SLC24A4: variants seen among roughly 807,000 people sequenced by gnomAD.
The protein encoded by SLC24A4 is solute carrier family 24 member 4.
A neutral mutation model predicts 79.0 loss-of-function variants in SLC24A4; 53 were observed. The ratio of observed to expected loss-of-function variants is 0.67; its 90% CI spans 0.54 to 0.84. The LOEUF is 0.84. SLC24A4 is among the 40% of genes least tolerant of loss of function. The probability of loss-of-function intolerance (pLI) is 0.00; values close to 1 mark genes in which losing one functional copy is unlikely to be tolerated. For missense variants in SLC24A4, 731 were observed against 822.0 expected (o/e 0.89, Z 1.35); for synonymous variants, 323 against 323.8 (o/e 1.00, Z 0.03).
intron 2 of SLC24A4, among the ~76,000 whole-genome samples, chr14:92,403,321 G>C (rs148686884): frequency 6.6e-6 from 1 of 152,070 alleles, no homozygotes; most frequent in East Asian, 1.9e-4. Context: ...AGCTCTGAGA[G>C]GACTGGCCAG....
At chr14:92,444,402 G>T (rs1370451510) in intron 7 of SLC24A4, among the ~76,000 whole-genome samples, 1 of 152,160 alleles carries the variant, frequency 6.6e-6, no homozygotes, top group South Asian at 2.1e-4. Flanking sequence ...AGCCCCGTGG[G>T]TGGTGCCGAT....
chr14:92,437,307 TA>T (rs1187024686), intron 3 of SLC24A4, among the ~76,000 whole-genome samples: 2 of 152,218 alleles, frequency 1.3e-5, no homozygotes, highest in Admixed American at 1.3e-4. Context: ...GTAGATATTT[TA>T]CTGGCCAATT....
chr14:92,434,156 T>C (rs1335923633), intron 3 of SLC24A4, among the ~76,000 whole-genome samples, 168 bp downstream of exon 3: 1 of 152,164 alleles, frequency 6.6e-6, no homozygotes, highest in East Asian at 1.9e-4. Context: ...CTTAAACGTG[T>C]TAGGAGACTT....
At position 92,497,162 on chromosome 14, in the gene SLC24A4, GCCCCTGT is replaced by G. The variant is rs1471598597; in HGVS notation, c.*3536_*3542del. ...CCTGTTAGGACTGTTTCTTGCTTTTGCCCCTGTCGGTCCCCTGCCTTAACAGACCTAA... is the reference window on the plus strand; with the variant it reads ...CCTGTTAGGACTGTTTCTTGCTTTTGCGGTCCCCTGCCTTAACAGACCTAA... On this transcript the variant is annotated 3_prime_UTR_variant, in exon 17 of 17. Transcript: ENST00000532405. 2 of 152,264 alleles carry G rather than the reference GCCCCTGT, an allele frequency of 1.3e-5. No individual in the cohort carries two copies. The highest frequency in any genetic ancestry group is 4.8e-5 in the African/African-American group (2 of 41,424). The allele number at this position is 152,264 out of a possible 1,614,324, so 9.4% of individuals were successfully genotyped here.
chr14:92,378,609 C>G (rs1045144864), intron 2 of SLC24A4, among the ~76,000 whole-genome samples: 1 of 152,202 alleles, frequency 6.6e-6, no homozygotes, highest in African/African-American at 2.4e-5. Context: ...TATCTAAGTC[C>G]TTTGTCAGAT....
intron 7 of SLC24A4, among the ~76,000 whole-genome samples, chr14:92,445,052 G>C (rs137978119): frequency 6.6e-6 from 1 of 151,936 alleles, no homozygotes; most frequent in Non-Finnish European, 1.5e-5. Context: ...TGCCAGGTTA[G>C]CCCCCAGCAG....
intron 2 of SLC24A4, among the ~76,000 whole-genome samples, chr14:92,414,656 C>T (rs1200769795): frequency 6.6e-6 from 1 of 152,154 alleles, no homozygotes; most frequent in Non-Finnish European, 1.5e-5. Context: ...GGGAGGATTG[C>T]TTGATCCCGG....
At chr14:92,445,188 G>A in intron 7 of SLC24A4, 129 bp from the exon 8 acceptor site, 1 of 1,020,474 alleles carries the variant, frequency 9.8e-7, no homozygotes, top group South Asian at 1.3e-5. Flanking sequence ...GAGCAGCTCA[G>A]AAATGGACCC....
At position 92,497,601 on chromosome 14, in the gene SLC24A4, C is replaced by T. The variant is rs1253400278; in HGVS notation, c.*3973C>T. The T allele has an allele frequency of 6.6e-6, 1 of 152,400 alleles. No homozygotes were observed. The highest frequency in any genetic ancestry group is 1.5e-5 in the Non-Finnish European group (1 of 68,212). 9.4% of individuals were successfully genotyped at this position (152,400 alleles called of 1,614,324 possible). A position where few individuals can be genotyped will look rare whatever the true frequency, so the allele number is the denominator to read the frequency against. ...CAGCGCCAGCGGCTGAGGCTGCCTT[C>T]CGTGCCTTCCCTCCATGGGCGACGG... On this transcript the variant is annotated 3_prime_UTR_variant, in exon 17 of 17. Coordinates refer to ENST00000532405, the MANE Select transcript of SLC24A4 (RefSeq NM_153646.4).
At position 92,474,863 on chromosome 14, in the gene SLC24A4, A is replaced by AT. The variant is rs34398420; in HGVS notation, c.1256-7803dup. 5.5e-3 allele frequency among the ~76,000 whole-genome samples: 313 copies of AT among 57,098 alleles called. 9 individuals are homozygous for AT. Among genetic ancestry groups the AT allele is most frequent in the South Asian group, 0.011 (19 of 1,742 alleles). The allele number at this position is 57,098 out of a possible 152,430, so 37.5% of individuals were successfully genotyped here. A position where few individuals can be genotyped will look rare whatever the true frequency, so the allele number is the denominator to read the frequency against. The stretch of plus-strand genomic sequence containing the variant: ...TGTGTGTATATATATATATATATAT[A>AT]TTTTTTTTTTTTTTAGTAGACACAG... On this transcript the variant is annotated intron_variant, in intron 12 of 16. Transcript: ENST00000532405.
intron 2 of SLC24A4, among the ~76,000 whole-genome samples, chr14:92,404,346 G>C (rs1012549671): frequency 1.3e-5 from 2 of 152,114 alleles, no homozygotes; most frequent in Admixed American, 1.3e-4. Flanking sequence ...TGCTTAAACT[G>C]TCCAGACCTT....
At position 92,416,931 on chromosome 14, in the gene SLC24A4, G is replaced by A. The variant is rs148461520; in HGVS notation, c.242-16981G>A. On this transcript the variant is annotated intron_variant, in intron 2 of 16. Coordinates refer to ENST00000532405, the MANE Select transcript of SLC24A4 (RefSeq NM_153646.4). ...CTGTCAGTCATTCTACACATATTAA[G>A]CACTTATATGTAAGACTTGGAAAAA... Among the ~76,000 whole-genome samples the A allele has an allele frequency of 5.5e-4, 83 of 152,144 alleles. 1 individual carries two copies. In the East Asian group the frequency reaches 7.3e-3, roughly 13 times the overall value.
chr14:92,345,661 C>T (rs1290218898), intron 2 of SLC24A4, among the ~76,000 whole-genome samples: 1 of 152,042 alleles, frequency 6.6e-6, no homozygotes, highest in Non-Finnish European at 1.5e-5. Flanking sequence ...GAGATGGTGC[C>T]ACTGCACTGC....
intron 12 of SLC24A4, among the ~76,000 whole-genome samples, chr14:92,473,940 A>G (rs1463374383): frequency 1.3e-5 from 2 of 152,210 alleles, no homozygotes; most frequent in South Asian, 2.1e-4. Flanking sequence ...TGGTTCTGCC[A>G]GAGGTGTCCC....
intron 2 of SLC24A4, among the ~76,000 whole-genome samples, chr14:92,357,516 A>G (rs1283083854): frequency 6.6e-6 from 1 of 152,218 alleles, no homozygotes; most frequent in African/African-American, 2.4e-5. Context: ...CAGCCTGAAA[A>G]AGGAAGGAAA....
chr14:92,431,874 C>G (rs1218442885), intron 2 of SLC24A4, among the ~76,000 whole-genome samples: 2 of 152,208 alleles, frequency 1.3e-5, no homozygotes, highest in Non-Finnish European at 2.9e-5. Context: ...GGCGTGATTT[C>G]CACTTGGCCA....
At chr14:92,484,403 C>A in intron 13 of SLC24A4, 8 of 985,366 alleles carry the variant, frequency 8.1e-6, no homozygotes, top group Non-Finnish European at 9.6e-6. Context: ...GTGCTGCCCC[C>A]AGCCTGTTCC....
At chr14:92,463,969 T>C (rs996336765) in intron 12 of SLC24A4, among the ~76,000 whole-genome samples, 27 of 152,240 alleles carry the variant, frequency 1.8e-4, no homozygotes, top group African/African-American at 6.0e-4. Flanking sequence ...CGCTGTACTA[T>C]GTGTTGGTAC....
In SLC24A4 at chr14:92,493,687, C is replaced by T. The variant is rs930167935; in HGVS notation, c.*59C>T. The T allele has an allele frequency of 1.7e-5, 26 of 1,570,740 alleles. No homozygotes were observed. Among genetic ancestry groups the T allele is most frequent in the Admixed American group, 8.8e-5 (5 of 57,142 alleles). ...CACCCTGTGACACTGGCGTTCTCCT[C>T]TCCCCTCCTTCCCCCACCACAGGTC... On this transcript the variant is annotated 3_prime_UTR_variant, in exon 17 of 17. Transcript: ENST00000532405.
Sources: gnomAD v4.1 joint callset for allele counts (sites outside exome capture counted in the v4.1 genomes callset) on GRCh38, gnomAD v4.1.1 for gene constraint, MANE v1.5 for transcripts, NCBI Gene and HGNC (gene_info 2026-07-23, HGNC 2026-07-21) for gene names.